Variants in NLGN1 observed in about 807,000 individuals in gnomAD.
NLGN1 encodes the protein neuroligin-1.
Under a neutral mutation model 65.5 loss-of-function variants are expected in NLGN1, and 12 were observed. The ratio of observed to expected loss-of-function variants is 0.18; its 90% CI spans 0.12 to 0.30. The LOEUF (loss-of-function observed/expected upper bound fraction) is 0.30, where lower values mean the gene tolerates loss of function less well. NLGN1 is among the 10% of genes least tolerant of loss of function. The pLI, the probability that NLGN1 is intolerant of heterozygous loss-of-function variation, is 1.00. For synonymous variants in NLGN1, 350 were observed against 359.5 expected (o/e 0.97, Z 0.30); for missense variants, 750 against 1,007.1 (o/e 0.74, Z 3.46).
intron 2 of NLGN1, among the ~76,000 whole-genome samples, chr3:173,587,619 T>TAG (rs1353750778): frequency 1.3e-5 from 2 of 152,202 alleles, no homozygotes; most frequent in Non-Finnish European, 2.9e-5. Context: ...AAGAACATGG[T>TAG]AGCCTTGATG....
chr3:174,291,447 T>C (rs1434105459), downstream of NLGN1, among the ~76,000 whole-genome samples: 2 of 151,246 alleles, frequency 1.3e-5, no homozygotes, highest in Non-Finnish European at 3.0e-5. Flanking sequence ...CATATGCTAA[T>C]AAGTTTAATG....
chr3:173,993,279 G>T lies in NLGN1; in HGVS notation c.646+185447G>T, dbSNP rs376048757. Among the ~76,000 whole-genome samples the T allele has an allele frequency of 1.6e-4, 25 of 152,292 alleles. No homozygotes were observed. In the East Asian group the frequency reaches 4.6e-3, roughly 28 times the overall value. On this transcript the variant is annotated intron_variant, in intron 4 of 6. Transcript: ENST00000457714. The stretch of plus-strand genomic sequence containing the variant: ...AGATCAATGCCTCATGGGTTTATTT[G>T]TGTGTGGCCAAAGCAAATCACCAAT...
chr3:173,791,976 G>C (rs1225157752), intron 3 of NLGN1, among the ~76,000 whole-genome samples: 1 of 152,140 alleles, frequency 6.6e-6, no homozygotes, highest in Non-Finnish European at 1.5e-5. Context: ...GTAGTATGTA[G>C]TATATGCTTA....
At chr3:173,482,691 G>A (rs985236171) in intron 2 of NLGN1, among the ~76,000 whole-genome samples, 1 of 151,820 alleles carries the variant, frequency 6.6e-6, no homozygotes, top group Admixed American at 6.6e-5. Context: ...AGAGAGAGCT[G>A]AGTGAAGTGA....
At chr3:173,710,374 G>T (rs1414747114) in intron 3 of NLGN1, among the ~76,000 whole-genome samples, 2 of 151,958 alleles carry the variant, frequency 1.3e-5, no homozygotes, top group Non-Finnish European at 2.9e-5. Context: ...TCTTTACATA[G>T]ATTTCCCAGG....
At chr3:173,535,234 C>T (rs1413601208) in intron 2 of NLGN1, among the ~76,000 whole-genome samples, 1 of 152,130 alleles carries the variant, frequency 6.6e-6, no homozygotes, top group Non-Finnish European at 1.5e-5. Flanking sequence ...TTCTTTACAT[C>T]AAAGTAAAGT....
intron 4 of NLGN1, among the ~76,000 whole-genome samples, chr3:173,852,824 A>G (rs536661574): frequency 6.6e-6 from 1 of 152,308 alleles, no homozygotes; most frequent in South Asian, 2.1e-4. Context: ...ATGATCAATA[A>G]CAATCTAGCT....
At position 174,265,783 on chromosome 3, in the gene NLGN1, G is replaced by GTGTATA. The variant is rs1309437479; in HGVS notation, c.647-9531_647-9530insGTATAT. Reference sequence around the variant, plus strand: ...GAAGGCTATATATATATATATATATGTATATATATATATATATAGCCAAAG... The same window carrying GTGTATA: ...GAAGGCTATATATATATATATATATGTGTATATATATATATATATATATAGCCAAAG... On this transcript the variant is annotated intron_variant, in intron 4 of 6. Coordinates refer to ENST00000457714, the Ensembl canonical transcript of NLGN1. Among the ~76,000 whole-genome samples, 38 of 128,460 alleles carry GTGTATA rather than the reference G, an allele frequency of 3.0e-4. 2 individuals are homozygous for GTGTATA. The highest frequency in any genetic ancestry group is 7.5e-4 in the African/African-American group (24 of 32,118). The allele number at this position is 128,460 out of a possible 152,430, so 84.3% of individuals were successfully genotyped here.
intron 4 of NLGN1, among the ~76,000 whole-genome samples, chr3:174,101,844 T>A (rs902169291): frequency 6.6e-6 from 1 of 152,078 alleles, no homozygotes; most frequent in Non-Finnish European, 1.5e-5. Flanking sequence ...TGTAAGCCAC[T>A]CTCTGTGTGT....
chr3:173,524,758 G>A, intron 2 of NLGN1, among the ~76,000 whole-genome samples: 1 of 152,008 alleles, frequency 6.6e-6, no homozygotes, highest in East Asian at 1.9e-4. Context: ...AGTTTGTTGT[G>A]GGTTTTTATC....
At chr3:174,157,058 G>A (rs1202737090) in intron 4 of NLGN1, among the ~76,000 whole-genome samples, 3 of 150,650 alleles carry the variant, frequency 2.0e-5, no homozygotes, top group East Asian at 1.9e-4. Context: ...AATGTAAAAG[G>A]CCTGTATTTT....
At chr3:173,733,755 A>G (rs534430062) in intron 3 of NLGN1, among the ~76,000 whole-genome samples, 14 of 152,266 alleles carry the variant, frequency 9.2e-5, no homozygotes, top group African/African-American at 3.4e-4. Context: ...TCAAAAATGC[A>G]TATGGTCCCA....
At chr3:173,942,271 C>G (rs200024424) in intron 4 of NLGN1, among the ~76,000 whole-genome samples, 3 of 151,936 alleles carry the variant, frequency 2.0e-5, no homozygotes, top group East Asian at 1.9e-4. Context: ...GTTTTAGAAC[C>G]AAGCACTATC....
chr3:174,209,623 C>CTTTTTTTTTTTTTTTT (rs796169913), intron 4 of NLGN1, among the ~76,000 whole-genome samples: 5 of 82,072 alleles, frequency 6.1e-5, no homozygotes, highest in African/African-American at 9.7e-5. Context: ...ACCTTTCTTT[C>CTTTTTTTTTTTTTTTT]TTTTTTTTTT....
intron 3 of NLGN1, among the ~76,000 whole-genome samples, chr3:173,617,573 AT>A (rs1753309448): frequency 6.6e-6 from 1 of 152,178 alleles, no homozygotes; most frequent in African/African-American, 2.4e-5. Context: ...AATGAAGTAA[AT>A]TTCAAAGCCA....
chr3:173,516,609 G>A (rs1733857323), intron 2 of NLGN1, among the ~76,000 whole-genome samples: 1 of 151,916 alleles, frequency 6.6e-6, no homozygotes, highest in Non-Finnish European at 1.5e-5. Flanking sequence ...TATATCTATT[G>A]CCCCCTCTAA....
At chr3:174,177,391 A>C (rs955893726) in intron 4 of NLGN1, among the ~76,000 whole-genome samples, 5 of 152,066 alleles carry the variant, frequency 3.3e-5, no homozygotes, top group African/African-American at 1.2e-4. Context: ...ATTTACTTAA[A>C]TGTTTAATGT....
intron 3 of NLGN1, among the ~76,000 whole-genome samples, chr3:173,761,224 G>A (rs1461293760): frequency 1.3e-5 from 2 of 152,034 alleles, no homozygotes; most frequent in Non-Finnish European, 2.9e-5. Context: ...ACACTGAGAT[G>A]CAGTTCTTGT....
chr3:173,820,675 TA>T (rs1720109938), intron 4 of NLGN1, among the ~76,000 whole-genome samples: 1 of 152,198 alleles, frequency 6.6e-6, no homozygotes, highest in Non-Finnish European at 1.5e-5. Context: ...AACAGTTATG[TA>T]AATCTAGTCT....
Sources: allele counts gnomAD v4.1 joint callset (sites outside exome capture counted in the v4.1 genomes callset), GRCh38; gene constraint gnomAD v4.1.1; transcripts MANE v1.5; gene names NCBI Gene and HGNC (gene_info 2026-07-23, HGNC 2026-07-21).